Variants in PLA2G12A observed in about 807,000 individuals in gnomAD.
The protein encoded by PLA2G12A is group XIIA secretory phospholipase A2.
A neutral mutation model predicts 16.0 loss-of-function variants in PLA2G12A; 11 were observed. The observed-to-expected ratio is 0.69, with a 90% CI of 0.43 to 1.13. The LOEUF (loss-of-function observed/expected upper bound fraction) is 1.13, where lower values mean the gene tolerates loss of function less well. Ranked by LOEUF, PLA2G12A falls within the 50% of genes most tolerant of loss-of-function variation. The probability of loss-of-function intolerance (pLI) is 0.00; values close to 1 mark genes in which losing one functional copy is unlikely to be tolerated. For missense variants in PLA2G12A, 214 were observed against 237.3 expected (o/e 0.90, Z 0.65); for synonymous variants, 77 against 93.8 (o/e 0.82, Z 1.03).
At chr4:109,727,878 G>A (rs1722972473) in intron 1 of PLA2G12A, among the ~76,000 whole-genome samples, 2 of 152,184 alleles carry the variant, frequency 1.3e-5, no homozygotes, top group South Asian at 2.1e-4. Flanking sequence ...CTTCAGGCAT[G>A]TTTTAAATGT....
chr4:109,720,584 AAAAAAAAAAAAAAAAAAAAAAT>A (rs1340367416), intron 1 of PLA2G12A, among the ~76,000 whole-genome samples: 5 of 53,514 alleles, frequency 9.3e-5, no homozygotes, highest in African/African-American at 1.9e-4. Context: ...CAAAAAAAAA[AAAAAAAAAAAAAAAAAAAAAAT>A]ATATATATAT....
At chr4:109,729,557 T>A in intron 1 of PLA2G12A, 45 bp downstream of exon 1, 1 of 1,577,172 alleles carries the variant, frequency 6.3e-7, no homozygotes, top group Non-Finnish European at 8.7e-7. Context: ...GTCACCCCAA[T>A]CCCCCGAAAG....
intron 1 of PLA2G12A, among the ~76,000 whole-genome samples, chr4:109,726,180 CCT>C (rs1491088563): frequency 6.6e-6 from 1 of 150,950 alleles, no homozygotes; most frequent in South Asian, 2.1e-4. Context: ...GAAACTACCC[CCT>C]CTCACTTACC....
chr4:109,717,941 GCGTTAGAA>G (rs1469139818), intron 2 of PLA2G12A, among the ~76,000 whole-genome samples: 1 of 152,146 alleles, frequency 6.6e-6, no homozygotes, highest in Non-Finnish European at 1.5e-5. Context: ...CTATTCTGCA[GCGTTAGAA>G]CACTCACAGT....
intron 1 of PLA2G12A, among the ~76,000 whole-genome samples, chr4:109,720,861 G>A (rs961284373): frequency 1.3e-5 from 2 of 151,796 alleles, no homozygotes; most frequent in Non-Finnish European, 2.9e-5. Context: ...CTGAGGTCGA[G>A]AGTTCAACAC....
rs185492537 is a variant in PLA2G12A, at chr4:109,719,789, T to C, written c.209-1030A>G. ...TACAGATCTTAATTTAAAAATACTT[T>C]ATTGCTAAAAAATGCTGACACAGAT... On this transcript the variant is annotated intron_variant, in intron 1 of 3. Transcript: ENST00000243501. 3.0e-3 allele frequency among the ~76,000 whole-genome samples: 452 copies of C among 152,326 alleles called. 3 individuals are homozygous for C. In the Middle Eastern group the frequency reaches 0.031, roughly 10 times the overall value.
Position 109,712,146 on chromosome 4 carries a change from T to G in PLA2G12A, c.*2231A>C, listed in dbSNP as rs1299174392. On this transcript the variant is annotated 3_prime_UTR_variant, in exon 4 of 4. Coordinates refer to ENST00000243501, the MANE Select transcript of PLA2G12A (RefSeq NM_030821.5). ...CATTAATTAAAAAACTAGTACAATC[T>G]GAAAAATAAAGTCAAAGTTCCGTTA... 6.6e-6 allele frequency: 1 copy of G among 152,212 alleles called. No homozygotes were observed. Among genetic ancestry groups the G allele is most frequent in the Admixed American group, 6.5e-5 (1 of 15,282 alleles). The allele number at this position is 152,212 out of a possible 1,614,324, so 9.4% of individuals were successfully genotyped here.
At chr4:109,727,466 A>G (rs1176160870) in intron 1 of PLA2G12A, among the ~76,000 whole-genome samples, 1 of 152,086 alleles carries the variant, frequency 6.6e-6, no homozygotes, top group Non-Finnish European at 1.5e-5. Flanking sequence ...CTTGGACTTG[A>G]AACCACATGT....
chr4:109,723,300 G>A (rs1419417487), intron 1 of PLA2G12A, among the ~76,000 whole-genome samples: 2 of 151,884 alleles, frequency 1.3e-5, no homozygotes, highest in East Asian at 3.9e-4. Context: ...TTAATTTTGA[G>A]TCTAAATATA....
intron 3 of PLA2G12A, among the ~76,000 whole-genome samples, chr4:109,717,293 G>A (rs1460882664): frequency 6.6e-6 from 1 of 152,124 alleles, no homozygotes; most frequent in Admixed American, 6.5e-5. Flanking sequence ...TAGGGCACAA[G>A]GTAGATGAAT....
rs1490748142 is a variant in PLA2G12A at position 109,714,331 on chromosome 4, G to C, written c.*46C>G. ...GTAAAAACATTAGTTATTTGTCAAA[G>C]GTATGTTCTTCCATCTTCATCTGTC... On this transcript the variant is annotated 3_prime_UTR_variant, in exon 4 of 4. Coordinates refer to ENST00000243501, the MANE Select transcript of PLA2G12A (RefSeq NM_030821.5). 2 of 1,143,586 alleles carry C rather than the reference G, an allele frequency of 1.7e-6. No individual in the cohort carries two copies. Among genetic ancestry groups the C allele is most frequent in the Non-Finnish European group, 2.6e-6 (2 of 784,116 alleles). 70.8% of individuals were successfully genotyped at this position (1,143,586 alleles called of 1,614,324 possible).
At chr4:109,723,202 T>C (rs980753388) in intron 1 of PLA2G12A, among the ~76,000 whole-genome samples, 11 of 109,876 alleles carry the variant, frequency 1.0e-4, no homozygotes, top group African/African-American at 3.9e-4. Flanking sequence ...ACTGCTAACA[T>C]AGACAGTAGT....
At chr4:109,725,980 C>A (rs555664595) in intron 1 of PLA2G12A, among the ~76,000 whole-genome samples, 1 of 152,244 alleles carries the variant, frequency 6.6e-6, no homozygotes, top group Non-Finnish European at 1.5e-5. Context: ...CTCAAATCTC[C>A]AACATCCCCA....
intron 1 of PLA2G12A, among the ~76,000 whole-genome samples, chr4:109,726,784 A>G (rs1470012559): frequency 6.6e-6 from 1 of 152,136 alleles, no homozygotes. Context: ...TTATTTCCCT[A>G]AATACTTAAC....
rs1730737488 is a variant in PLA2G12A, at chr4:109,711,930, T to C, written c.*2447A>G. ...TCTTCCTAAAAATCTATAACCCCAC[T>C]CTAACCATGAGGAAAACATCAGACA... On this transcript the variant is annotated 3_prime_UTR_variant, in exon 4 of 4. Transcript: ENST00000243501. The C allele has an allele frequency of 6.6e-6, 1 of 152,458 alleles. No homozygotes were observed. The highest frequency in any genetic ancestry group is 1.9e-4 in the East Asian group (1 of 5,192). The allele number at this position is 152,458 out of a possible 1,614,324, so 9.4% of individuals were successfully genotyped here. A position where few individuals can be genotyped will look rare whatever the true frequency, so the allele number is the denominator to read the frequency against.
At chr4:109,721,184 G>A (rs115518688) in intron 1 of PLA2G12A, among the ~76,000 whole-genome samples, 6 of 152,320 alleles carry the variant, frequency 3.9e-5, no homozygotes, top group Non-Finnish European at 7.3e-5. Context: ...ATAGCACTTC[G>A]TCTTGTTTCT....
intron 1 of PLA2G12A, among the ~76,000 whole-genome samples, chr4:109,724,553 G>A (rs1300182089): frequency 6.6e-6 from 1 of 152,086 alleles, no homozygotes; most frequent in Admixed American, 6.5e-5. Flanking sequence ...TCCTGATGCT[G>A]ATGATGTGTG....
At chr4:109,725,783 C>CA (rs1270023753) in intron 1 of PLA2G12A, among the ~76,000 whole-genome samples, 1 of 152,132 alleles carries the variant, frequency 6.6e-6, no homozygotes, top group African/African-American at 2.4e-5. Context: ...TTTCACCTGA[C>CA]AGAATATGAA....
chr4:109,714,055 G>T lies in PLA2G12A; in HGVS notation c.*322C>A. 1 of 217,022 alleles carries T rather than the reference G, an allele frequency of 4.6e-6. No homozygotes were observed. Among genetic ancestry groups the T allele is most frequent in the Non-Finnish European group, 9.2e-6 (1 of 109,202 alleles). The allele number at this position is 217,022 out of a possible 1,614,324, so 13.4% of individuals were successfully genotyped here. A position where few individuals can be genotyped will look rare whatever the true frequency, so the allele number is the denominator to read the frequency against. ...TTTGATCTCTTTTTTTGGTAAATGT[G>T]GTTGTGAAAATTGAGTTATATATTC... is the stretch of plus-strand genomic sequence containing the variant. On this transcript the variant is annotated 3_prime_UTR_variant, in exon 4 of 4. Transcript: ENST00000243501.
Sources: allele counts gnomAD v4.1 joint callset (sites outside exome capture counted in the v4.1 genomes callset), GRCh38; gene constraint gnomAD v4.1.1; transcripts MANE v1.5; gene names NCBI Gene and HGNC (gene_info 2026-07-23, HGNC 2026-07-21).